The following SULF1 variants were observed in gnomAD, a reference collection of about 807,000 sequenced individuals.
SULF1 encodes the protein sulfatase 1.
A neutral mutation model predicts 110.5 loss-of-function variants in SULF1; 46 were observed. The observed-to-expected ratio is 0.42, with a 90% CI of 0.33 to 0.53. The LOEUF (loss-of-function observed/expected upper bound fraction) is 0.53, where lower values mean the gene tolerates loss of function less well. Among genes scored for constraint, SULF1 ranks in the 20% least tolerant of loss-of-function variants. The pLI is 0.12. For synonymous variants in SULF1, 371 were observed against 387.1 expected, an observed-to-expected ratio of 0.96 and a Z score of 0.49; for missense variants, 941 against 1,094.2, an observed-to-expected ratio of 0.86 and a Z score of 1.98.
At chr8:69,486,900 A>G (rs1030899789) in intron 1 of SULF1, among the ~76,000 whole-genome samples, 1 of 152,214 alleles carries the variant, frequency 6.6e-6, no homozygotes, top group Non-Finnish European at 1.5e-5. Flanking sequence ...CTGAAAAAGC[A>G]AGGCATGCGC....
intron 19 of SULF1, among the ~76,000 whole-genome samples, chr8:69,636,331 T>G (rs2130657552): frequency 6.6e-6 from 1 of 152,078 alleles, no homozygotes; most frequent in African/African-American, 2.4e-5. Context: ...GGTCAGGAGA[T>G]CAAGACCATC....
intron 22 of SULF1, among the ~76,000 whole-genome samples, chr8:69,647,943 G>A (rs991683895): frequency 6.6e-6 from 1 of 151,018 alleles, no homozygotes; most frequent in Non-Finnish European, 1.5e-5. Context: ...TCTGATTTTG[G>A]TGTCCTGCTA....
At chr8:69,652,003 C>G (rs1378637355) in intron 22 of SULF1, among the ~76,000 whole-genome samples, 2 of 152,138 alleles carry the variant, frequency 1.3e-5, no homozygotes, top group Non-Finnish European at 2.9e-5. Context: ...CCTTGCTTTT[C>G]CAGTTTCTAG....
At chr8:69,562,332 G>A (rs1004538989) in intron 3 of SULF1, among the ~76,000 whole-genome samples, 6 of 152,164 alleles carry the variant, frequency 3.9e-5, no homozygotes, top group Non-Finnish European at 4.4e-5. Flanking sequence ...AGAATTAAGG[G>A]CATGAAGTTG....
chr8:69,628,718 A>T (rs115185708), intron 18 of SULF1, among the ~76,000 whole-genome samples: 345 of 152,364 alleles, frequency 2.3e-3, no homozygotes, highest in African/African-American at 7.9e-3. Context: ...TATATATAAA[A>T]AACAAAATAA....
At chr8:69,597,634 G>A (rs747867280) in intron 8 of SULF1, 1 of 152,164 alleles carries the variant, frequency 6.6e-6, no homozygotes, top group Non-Finnish European at 1.5e-5. Context: ...GCTATGCCAA[G>A]CACATCAAGG....
intron 21 of SULF1, among the ~76,000 whole-genome samples, chr8:69,639,625 T>TGGGCA (rs1297789214): frequency 1.3e-5 from 2 of 152,208 alleles, no homozygotes; most frequent in African/African-American, 4.8e-5. Flanking sequence ...GGCATGGACC[T>TGGGCA]TGGCATGGCA....
intron 3 of SULF1, among the ~76,000 whole-genome samples, chr8:69,507,204 G>A (rs1346008386): frequency 2.6e-5 from 4 of 152,180 alleles, no homozygotes; most frequent in African/African-American, 9.7e-5. Flanking sequence ...CAGGCCAGAT[G>A]TTTTAAATTG....
intron 1 of SULF1, among the ~76,000 whole-genome samples, chr8:69,495,431 T>G (rs950543637): frequency 1.3e-5 from 2 of 152,150 alleles, no homozygotes; most frequent in African/African-American, 4.8e-5. Flanking sequence ...CTTTGAAATT[T>G]TGAGGAGATA....
At chr8:69,658,041 A>T (rs1176733514) in intron 22 of SULF1, among the ~76,000 whole-genome samples, 3 of 152,256 alleles carry the variant, frequency 2.0e-5, no homozygotes, top group African/African-American at 7.2e-5. Flanking sequence ...TAAAAATATC[A>T]TACTAAGCAT....
intron 3 of SULF1, among the ~76,000 whole-genome samples, chr8:69,546,993 G>T (rs533098469): frequency 6.6e-6 from 1 of 152,192 alleles, no homozygotes; most frequent in African/African-American, 2.4e-5. Flanking sequence ...TCCTTTGCTT[G>T]TCTGTACATT....
intron 22 of SULF1, among the ~76,000 whole-genome samples, chr8:69,644,794 A>G (rs899303667): frequency 1.3e-5 from 2 of 150,524 alleles, no homozygotes; most frequent in Non-Finnish European, 3.0e-5. Context: ...TTGAGCACTC[A>G]AGTCCGTCTT....
At chr8:69,562,151 C>T (rs939459124) in intron 3 of SULF1, among the ~76,000 whole-genome samples, 2 of 152,178 alleles carry the variant, frequency 1.3e-5, no homozygotes, top group African/African-American at 4.8e-5. Context: ...CTCTCTCTTG[C>T]AGTATAATTA....
chr8:69,640,163 A>AAAAG lies in SULF1; in HGVS notation c.2552-631_2552-628dup, dbSNP rs149657587. Among the ~76,000 whole-genome samples the AAAAG allele has an allele frequency of 9.3e-5, 14 of 149,920 alleles. No homozygotes were observed. The East Asian group carries it at 9.9e-4, about 11-fold the overall frequency. ...GGAAGGAAGGAAAGAAAGAAAGAAA[A>AAAAG]AAAGAAAGAAAGAAAGAGAAAAGAA... On this transcript the variant is annotated intron_variant, in intron 21 of 22. Coordinates refer to ENST00000402687, the MANE Select transcript of SULF1 (RefSeq NM_001128205.2).
intron 3 of SULF1, among the ~76,000 whole-genome samples, chr8:69,553,360 T>C (rs1814866487): frequency 6.6e-6 from 1 of 152,188 alleles, no homozygotes; most frequent in Non-Finnish European, 1.5e-5. Context: ...TCAACCCTGA[T>C]TGAAACTAAA....
chr8:69,603,753 A>C, intron 12 of SULF1, 97 bp downstream of exon 12: 2 of 856,926 alleles, frequency 2.3e-6, no homozygotes, highest in Non-Finnish European at 2.0e-6. Flanking sequence ...TTTACTAAGC[A>C]TGCAGATTTC....
chr8:69,646,684 A>G (rs938335355), intron 22 of SULF1, among the ~76,000 whole-genome samples: 1 of 152,090 alleles, frequency 6.6e-6, no homozygotes, highest in Admixed American at 6.5e-5. Context: ...TGAAATTCAA[A>G]CCCAGCGAGT....
intron 19 of SULF1, among the ~76,000 whole-genome samples, chr8:69,635,701 T>C (rs559924987): frequency 1.3e-5 from 2 of 152,064 alleles, no homozygotes; most frequent in African/African-American, 4.8e-5. Context: ...CCAAGACCAA[T>C]CTCTACAAAA....
intron 7 of SULF1, among the ~76,000 whole-genome samples, chr8:69,587,944 A>G (rs1482919124): frequency 6.6e-6 from 1 of 152,212 alleles, no homozygotes; most frequent in Non-Finnish European, 1.5e-5. Context: ...GGAAGGGGAT[A>G]GCCTGTAGAC....
Sources: gnomAD v4.1 joint callset for allele counts (sites outside exome capture counted in the v4.1 genomes callset) on GRCh38, gnomAD v4.1.1 for gene constraint, MANE v1.5 for transcripts, NCBI Gene and HGNC (gene_info 2026-07-23, HGNC 2026-07-21) for gene names.